ANKMY1: variants seen among roughly 807,000 people sequenced by gnomAD.
The protein encoded by ANKMY1 is ankyrin repeat and MYND domain containing 1, also known as ankyrin repeat and MYND domain-containing protein 1.
ANKMY1 carries 98 observed loss-of-function variants against 102.0 expected under a neutral mutation model. That is an observed-to-expected ratio of 0.96 (90% CI 0.82 to 1.14). The LOEUF (loss-of-function observed/expected upper bound fraction) is 1.14, where lower values mean the gene tolerates loss of function less well. Ranked by LOEUF, ANKMY1 falls within the 50% of genes most tolerant of loss-of-function variation. ANKMY1 has a pLI of 0.00. For synonymous variants in ANKMY1, 582 were observed against 559.9 expected (o/e 1.04, Z -0.56); for missense variants, 1,330 against 1,347.6 (o/e 0.99, Z 0.20).
At chr2:240,534,236 A>G (rs13007762) in intron 4 of ANKMY1, among the ~76,000 whole-genome samples, 22,506 of 152,256 alleles carry the variant, frequency 0.15, 2,750 homozygotes, top group East Asian at 0.68. Context: ...CTCGCCTAGA[A>G]GGCAGGACTT....
chr2:240,525,688 G>A lies in ANKMY1; in HGVS notation c.1332C>T (p.Pro444=). 1.2e-6 allele frequency: 2 copies of A among 1,613,820 alleles called. No homozygotes were observed. Among genetic ancestry groups the A allele is most frequent in the Non-Finnish European group, 8.5e-7 (1 of 1,179,856 alleles). Reference sequence around the variant, plus strand: ...CAGTGGCCACCGGGGGGCTTACCTGGGGCTCAGGTATGGTCCGTTCAGCAA... The same window carrying A: ...CAGTGGCCACCGGGGGGCTTACCTGAGGCTCAGGTATGGTCCGTTCAGCAA... ...PNVAERTIPE[P]QEPPKFPVVP... Residue 444 remains proline, a synonymous_variant, in exon 7 of 18, where the codon CCC becomes CCT. Transcript: ENST00000401804.
In ANKMY1 at chr2:240,526,995, T is replaced by C. The variant is rs1231173649; in HGVS notation, c.954-550A>G. 3.0e-6 allele frequency: 3 copies of C among 1,000,644 alleles called. No homozygotes were observed. The African/African-American group carries it at 5.3e-5, about 18-fold the overall frequency. 62.0% of individuals were successfully genotyped at this position (1,000,644 alleles called of 1,614,324 possible). A position where few individuals can be genotyped will look rare whatever the true frequency, so the allele number is the denominator to read the frequency against. On this transcript the variant is annotated intron_variant, in intron 5 of 17. Transcript: ENST00000401804. ...TTCTGTACCTAACAGTCTTCAACAA[T>C]TACAAGCCCAGTTGATGTCTGCATG...
chr2:240,488,819 T>A (rs1574898522), intron 15 of ANKMY1, among the ~76,000 whole-genome samples: 1 of 152,262 alleles, frequency 6.6e-6, no homozygotes, highest in African/African-American at 2.4e-5. Context: ...TTTAGTTTTG[T>A]ATCCTGCAAT....
chr2:240,511,946 G>A lies in ANKMY1; in HGVS notation c.2201C>T (p.Ala734Val). The A allele has an allele frequency of 6.4e-7, 1 of 1,570,410 alleles. No individual in the cohort carries two copies. Among genetic ancestry groups the A allele is most frequent in the South Asian group, 1.1e-5 (1 of 87,154 alleles). ...KLSNEPGPPQAYYSTDTALPE... is the reference protein window; with the variant it reads ...KLSNEPGPPQVYYSTDTALPE... ...GAGGGCTGTGTCCGTGCTGTAGTAG[G>A]CTTGGGGAGGGCCTGGCTCATTGCT... Residue 734 changes from alanine to valine, a missense_variant, in exon 11 of 18, where the codon GCC becomes GTC. Ala to Val is a moderately conservative substitution (Grantham distance 64). Transcript: ENST00000401804.
At chr2:240,500,713 G>C (rs532229933) in intron 13 of ANKMY1, 148 bp from the exon 14 acceptor site, 6 of 643,682 alleles carry the variant, frequency 9.3e-6, no homozygotes, top group Middle Eastern at 2.6e-4. Flanking sequence ...GACAAACGGG[G>C]AGAGGGAGAT....
chr2:240,542,081 G>A (rs927163062), intron 4 of ANKMY1, among the ~76,000 whole-genome samples: 7 of 151,952 alleles, frequency 4.6e-5, no homozygotes, highest in South Asian at 2.1e-4. Context: ...AGTGGCGTTC[G>A]CCTGTAATCC....
intron 2 of ANKMY1, chr2:240,555,272 C>G (rs1559393719): frequency 1.7e-6 from 1 of 587,362 alleles, no homozygotes; most frequent in Non-Finnish European, 3.0e-6. Context: ...CACAGTAAGG[C>G]TGCCAACGGA....
chr2:240,503,343 G>A (rs1357118820), intron 13 of ANKMY1, among the ~76,000 whole-genome samples: 1 of 152,166 alleles, frequency 6.6e-6, no homozygotes, highest in East Asian at 1.9e-4. Flanking sequence ...CCCCTGGAGG[G>A]GACTTTCTGA....
rs964461038 is a variant in ANKMY1, at chr2:240,520,378, A to G, written c.1988T>C (p.Ile663Thr). The G allele has an allele frequency of 8.9e-6, 14 of 1,565,270 alleles. No individual in the cohort carries two copies. The highest frequency in any genetic ancestry group is 1.1e-5 in the Non-Finnish European group (13 of 1,154,828). Residue 663 changes from isoleucine to threonine, a missense_variant, in exon 9 of 18, where the codon ATC (isoleucine) becomes ACC (threonine). Physicochemically the swap from Ile to Thr is moderately conservative, Grantham distance 89. Coordinates refer to ENST00000401804, the MANE Select transcript of ANKMY1 (RefSeq NM_001282771.3). The surrounding 1 kb of genome is among the most constrained non-coding windows in gnomAD (Gnocchi z 4.8). Reference protein sequence around the residue: ...LLLEHGARTDICFPPQLSTLT... With the variant: ...LLLEHGARTDTCFPPQLSTLT... ...GGCTCCTACCTGCGGCGGAAAGCAG[A>G]TGTCGGTCCTCGCCCCGTGCTCCAG... is the stretch of plus-strand genomic sequence containing the variant.
At chr2:240,552,285 A>G (rs2091653027) in intron 4 of ANKMY1, among the ~76,000 whole-genome samples, 1 of 152,046 alleles carries the variant, frequency 6.6e-6, no homozygotes, top group Admixed American at 6.6e-5. Context: ...TTGGCTCAGA[A>G]TAAACCTCTT....
At chr2:240,480,771 G>A (rs932027851) in intron 17 of ANKMY1, among the ~76,000 whole-genome samples, 166 bp downstream of exon 17, 1 of 152,192 alleles carries the variant, frequency 6.6e-6, no homozygotes, top group Admixed American at 6.5e-5. Context: ...TGCCTCAGTG[G>A]CCCCGATGCC....
chr2:240,543,371 T>C (rs1036400786), intron 4 of ANKMY1, among the ~76,000 whole-genome samples: 5 of 151,564 alleles, frequency 3.3e-5, no homozygotes, highest in Non-Finnish European at 7.4e-5. Context: ...AAAAAAATTA[T>C]AGATAAAATA....
chr2:240,540,990 T>C (rs1265659181), intron 4 of ANKMY1, among the ~76,000 whole-genome samples: 1 of 152,166 alleles, frequency 6.6e-6, no homozygotes, highest in African/African-American at 2.4e-5. Flanking sequence ...GATAGGTGAG[T>C]GTCCTTTGTG....
intron 15 of ANKMY1, among the ~76,000 whole-genome samples, chr2:240,489,291 TAA>T (rs1056695776): frequency 2.0e-5 from 3 of 152,002 alleles, no homozygotes; most frequent in Non-Finnish European, 2.9e-5. Context: ...CCGTCTCTAC[TAA>T]AAATACAAAA....
Position 240,507,662 on chromosome 2 carries a change from A to T in ANKMY1, c.2424T>A (p.Ala808=). The T allele has an allele frequency of 6.2e-7, 1 of 1,610,316 alleles. No individual in the cohort carries two copies. The highest frequency in any genetic ancestry group is 2.2e-5 in the East Asian group (1 of 44,812). ...CTTTGGTCAGGGGCAGGTTGGGGTC[A>T]GCTCCCTGGGTCAGGAGCTCCTTCA... is the stretch of plus-strand genomic sequence containing the variant. The part of the protein sequence containing the change: ...LVVKELLTQG[A]DPNLPLTKGL... The change falls in exon 13 of 18, where the codon GCT becomes GCA. Residue 808 remains alanine, a synonymous_variant. Coordinates refer to ENST00000401804, the MANE Select transcript of ANKMY1 (RefSeq NM_001282771.3).
At chr2:240,482,035 A>G in intron 16 of ANKMY1, 148 bp downstream of exon 16, 1 of 807,780 alleles carries the variant, frequency 1.2e-6, no homozygotes, top group Non-Finnish European at 2.0e-6. Context: ...ACAGCCTGCA[A>G]GCAGGACTTC....
chr2:240,553,292 G>A, intron 3 of ANKMY1: 2 of 552,222 alleles, frequency 3.6e-6, no homozygotes, highest in East Asian at 6.2e-5. Flanking sequence ...TCAGGTGGGG[G>A]ACTGTGGGGA....
At chr2:240,504,611 A>G (rs961523898) in intron 13 of ANKMY1, among the ~76,000 whole-genome samples, 2 of 152,240 alleles carry the variant, frequency 1.3e-5, no homozygotes, top group African/African-American at 4.8e-5. Flanking sequence ...TTGCCAAAGG[A>G]GTTGAATAGA....
chr2:240,551,463 T>C (rs1452883407), intron 4 of ANKMY1, among the ~76,000 whole-genome samples: 1 of 152,216 alleles, frequency 6.6e-6, no homozygotes, highest in African/African-American at 2.4e-5. Context: ...GAAATGGCCT[T>C]GCGAGAGGTT....
Sources: allele counts gnomAD v4.1 joint callset (sites outside exome capture counted in the v4.1 genomes callset), GRCh38; gene constraint gnomAD v4.1.1; non-coding constraint Gnocchi (gnomAD v3.1); transcripts MANE v1.5; gene names NCBI Gene and HGNC (gene_info 2026-07-23, HGNC 2026-07-21).